OVCH2: variants seen among roughly 807,000 people sequenced by gnomAD.
OVCH2 encodes ovochymase-2.
A neutral mutation model predicts 73.7 loss-of-function variants in OVCH2; 88 were observed. The ratio of observed to expected loss-of-function variants is 1.19; its 90% CI spans 1.01 to 1.43. OVCH2 has a LOEUF of 1.43. Ranked by LOEUF, OVCH2 falls within the 40% of genes most tolerant of loss-of-function variation. The pLI, the probability that OVCH2 is intolerant of heterozygous loss-of-function variation, is 0.00. For synonymous variants in OVCH2, 265 were observed against 234.5 expected (o/e 1.13, Z -1.19); for missense variants, 706 against 674.5 (o/e 1.05, Z -0.52).
At chr11:7,703,431 CT>C (rs1034461029) in intron 3 of OVCH2, among the ~76,000 whole-genome samples, 8 of 151,958 alleles carry the variant, frequency 5.3e-5, no homozygotes, top group Non-Finnish European at 1.0e-4. Flanking sequence ...TTGTAATGCT[CT>C]TTTTTTTCTG....
chr11:7,702,011 CAA>C, intron 4 of OVCH2, 144 bp downstream of exon 4: 1 of 860,220 alleles, frequency 1.2e-6, no homozygotes, highest in Admixed American at 2.9e-5. Context: ...GAACCACAAG[CAA>C]AAAGAGTTTC....
At chr11:7,704,390 A>G (rs1006793752) in intron 2 of OVCH2, among the ~76,000 whole-genome samples, 175 bp downstream of exon 2, 2 of 152,046 alleles carry the variant, frequency 1.3e-5, no homozygotes, top group Non-Finnish European at 2.9e-5. Context: ...AAAATGACTT[A>G]CTATGTACAA....
chr11:7,701,874 C>T, intron 4 of OVCH2, 63 bp from the exon 5 acceptor site: 1 of 1,394,702 alleles, frequency 7.2e-7, no homozygotes, highest in Non-Finnish European at 1.0e-6. Context: ...ATAAGCCACT[C>T]ACCACTTGGT....
intron 1 of OVCH2, among the ~76,000 whole-genome samples, chr11:7,705,820 A>G (rs1285517644): frequency 2.0e-5 from 3 of 152,228 alleles, no homozygotes; most frequent in Admixed American, 1.3e-4. Context: ...CAGGGTTGGC[A>G]CAAGTCTGAC....
chr11:7,694,204 A>G lies in OVCH2; in HGVS notation c.1413+854T>C, dbSNP rs149102259. Among the ~76,000 whole-genome samples the G allele has an allele frequency of 9.2e-5, 14 of 152,236 alleles. No homozygotes were observed. The East Asian group carries it at 1.9e-3, about 21-fold the overall frequency. On this transcript the variant is annotated intron_variant, in intron 12 of 15. Coordinates refer to ENST00000533663, the MANE Select transcript of OVCH2 (RefSeq NM_198185.7). ...ATCTATGAGAAAATGCCTCATTCCA[A>G]TCTCACCCTGACTGCAGTCCTACTT...
chr11:7,680,316 C>T, the OVCH2 span, among the ~76,000 whole-genome samples: 1 of 152,196 alleles, frequency 6.6e-6, no homozygotes, highest in Non-Finnish European at 1.5e-5. Flanking sequence ...AATTGCTCAC[C>T]TGGTGCGTGG....
downstream of OVCH2, among the ~76,000 whole-genome samples, chr11:7,684,627 C>A (rs536198119): frequency 6.6e-5 from 10 of 151,454 alleles, no homozygotes; most frequent in Admixed American, 2.0e-4. Context: ...AGTGTAACTA[C>A]AAATTAGCCC....
chr11:7,693,769 G>A (rs1856265989), intron 12 of OVCH2, among the ~76,000 whole-genome samples: 1 of 152,126 alleles, frequency 6.6e-6, no homozygotes, highest in Non-Finnish European at 1.5e-5. Flanking sequence ...GTGTGATCTT[G>A]TTTCTGCCAT....
intron 8 of OVCH2, among the ~76,000 whole-genome samples, chr11:7,697,227 GAC>G (rs1329438146): frequency 6.6e-6 from 1 of 152,124 alleles, no homozygotes; most frequent in Non-Finnish European, 1.5e-5. Context: ...TTATTTGTGA[GAC>G]AGAGTCTCAC....
Position 7,689,504 on chromosome 11 carries a change from A to G in OVCH2, c.*130T>C. On this transcript the variant is annotated 3_prime_UTR_variant, in exon 16 of 16. Transcript: ENST00000533663. ...GCTAGAAGTCCAAGATCAACGTGTC[A>G]GCAGGGATGGCTCTGTCTGAGGGCT... is the stretch of plus-strand genomic sequence containing the variant. 2.7e-6 allele frequency: 1 copy of G among 374,972 alleles called. No homozygotes were observed. Among genetic ancestry groups the G allele is most frequent in the South Asian group, 2.0e-5 (1 of 49,192 alleles). 23.2% of individuals were successfully genotyped at this position (374,972 alleles called of 1,614,324 possible).
intron 12 of OVCH2, among the ~76,000 whole-genome samples, chr11:7,693,450 A>G (rs1302402451): frequency 6.6e-6 from 1 of 152,216 alleles, no homozygotes; most frequent in African/African-American, 2.4e-5. Flanking sequence ...GAGTTCTGCA[A>G]AATGATGCTG....
chr11:7,695,035 G>C (rs80197536), intron 12 of OVCH2, 23 bp downstream of exon 12: 14 of 1,544,492 alleles, frequency 9.1e-6, no homozygotes, highest in South Asian at 6.1e-5. Context: ...CCATAGCTAC[G>C]TAAGGACAGC....
chr11:7,693,918 G>A (rs1856269739), intron 12 of OVCH2, among the ~76,000 whole-genome samples: 1 of 152,116 alleles, frequency 6.6e-6, no homozygotes, highest in African/African-American at 2.4e-5. Context: ...ATCTCTTTAA[G>A]TTCTAACTTA....
chr11:7,691,136 T>G (rs1856211441), intron 14 of OVCH2, 133 bp downstream of exon 14: 1 of 1,129,650 alleles, frequency 8.9e-7, no homozygotes, highest in Admixed American at 2.2e-5. Context: ...TCAGTGTCCA[T>G]GGTGACTTGA....
intron 7 of OVCH2, 196 bp from the exon 8 acceptor site, chr11:7,698,969 C>A: frequency 1.8e-6 from 1 of 543,306 alleles, no homozygotes; most frequent in Non-Finnish European, 3.2e-6. Flanking sequence ...TGATTTAATT[C>A]TCTTTATTAA....
chr11:7,696,295 C>A (rs942214270), intron 10 of OVCH2, among the ~76,000 whole-genome samples, 170 bp downstream of exon 10: 1 of 152,168 alleles, frequency 6.6e-6, no homozygotes, highest in Non-Finnish European at 1.5e-5. Context: ...GACCTTGCAG[C>A]CATCACCCAG....
Position 7,691,393 on chromosome 11 carries a change from C to T in OVCH2, c.1515G>A (p.Leu505=). The change falls in exon 14 of 16, where the codon CTG becomes CTA. Residue 505 remains leucine, a synonymous_variant. Coordinates refer to ENST00000533663, the MANE Select transcript of OVCH2 (RefSeq NM_198185.7). ...CAGGGGTGGGGACATCATAGCCACA[C>T]AGCCGAGCTTGTTGAAGGCCAGCCC... is the stretch of plus-strand genomic sequence containing the variant. The part of the protein sequence containing the change: ...DVERKKEIAR[L]CGYDVPTPVL... The T allele has an allele frequency of 6.2e-7, 1 of 1,612,130 alleles. No homozygotes were observed. Among genetic ancestry groups the T allele is most frequent in the South Asian group, 1.1e-5 (1 of 90,978 alleles).
In OVCH2 at chr11:7,695,498, A is replaced by G. The variant is rs967895267; in HGVS notation, c.1282+72T>C. The G allele has an allele frequency of 2.3e-5, 33 of 1,424,006 alleles. 2 individuals are homozygous for G. In the African/African-American group the frequency reaches 4.8e-4, roughly 21 times the overall value. 88.2% of individuals were successfully genotyped at this position (1,424,006 alleles called of 1,614,324 possible). A position where few individuals can be genotyped will look rare whatever the true frequency, so the allele number is the denominator to read the frequency against. ...CTTGGGAGAGGGATCCCTGCCACTC[A>G]CCTAATTCCTATGGGGCCTAAGCTT... On this transcript the variant is annotated intron_variant, in intron 11 of 15. Transcript: ENST00000533663.
intron 4 of OVCH2, 113 bp from the exon 5 acceptor site, chr11:7,701,924 A>G (rs947449274): frequency 2.1e-6 from 2 of 944,336 alleles, no homozygotes; most frequent in Non-Finnish European, 3.2e-6. Flanking sequence ...GAGTTGTGAT[A>G]GCTCTGCCTG....
Sources: gnomAD v4.1 joint callset for allele counts (sites outside exome capture counted in the v4.1 genomes callset) on GRCh38, gnomAD v4.1.1 for gene constraint, MANE v1.5 for transcripts, NCBI Gene and HGNC (gene_info 2026-07-23, HGNC 2026-07-21) for gene names.